The following OLR1 variants were observed in gnomAD, a reference collection of about 807,000 sequenced individuals.
OLR1 encodes the protein oxidized low-density lipoprotein receptor 1.
Under a neutral mutation model 31.7 loss-of-function variants are expected in OLR1, and 23 were observed. The ratio of observed to expected loss-of-function variants is 0.72; its 90% CI spans 0.52 to 1.03. The LOEUF (loss-of-function observed/expected upper bound fraction) is 1.03. Ranked by LOEUF, OLR1 falls within the 50% of genes least tolerant of loss-of-function variation. The pLI is 0.00. For synonymous variants in OLR1, 117 were observed against 115.8 expected (o/e 1.01, Z -0.07); for missense variants, 286 against 315.7 (o/e 0.91, Z 0.71).
At position 10,166,854 on chromosome 12, in the gene OLR1, A is replaced by G. The variant is rs746107237; in HGVS notation, c.282T>C (p.Ala94=). ...QISARQQAEE[A]SQESENELKE... ...TGAGTTCGTTTTCTGACTCCTGTGAAGCTTCTTCTGCTTGTTGCCGGGCTG... is the reference window on the plus strand; with the variant it reads ...TGAGTTCGTTTTCTGACTCCTGTGAGGCTTCTTCTGCTTGTTGCCGGGCTG... Residue 94 remains alanine (A), a synonymous_variant, in exon 3 of 6, where the codon GCT becomes GCC. Transcript: ENST00000309539. 1 of 1,613,310 alleles carries G rather than the reference A, an allele frequency of 6.2e-7. No homozygotes were observed. Among genetic ancestry groups the G allele is most frequent in the Non-Finnish European group, 8.5e-7 (1 of 1,179,938 alleles).
chr12:10,165,973 G>C (rs1450843279), intron 3 of OLR1, among the ~76,000 whole-genome samples: 2 of 152,138 alleles, frequency 1.3e-5, no homozygotes, highest in Admixed American at 1.3e-4. Context: ...CACTTTGGGA[G>C]GCTGAGGCAG....
chr12:10,166,921 G>C lies in OLR1; in HGVS notation c.215C>G (p.Ala72Gly), dbSNP rs984973463. The C allele has an allele frequency of 6.2e-7, 1 of 1,613,516 alleles. No homozygotes were observed. Among genetic ancestry groups the C allele is most frequent in the African/African-American group, 1.3e-5 (1 of 74,756 alleles). ...QVSDLLTQEQ[A>G]NLTHQKKKLE... ...TTTCTTTTTCTGGTGAGTTAGGTTT[G>C]CTTGCTCTTGTGTTAGGAGGTCAGA... is the stretch of plus-strand genomic sequence containing the variant. Residue 72 changes from alanine (A) to glycine (G), a missense_variant, in exon 3 of 6, where the codon GCA (alanine) becomes GGA (glycine). Ala to Gly is a moderately conservative substitution (Grantham distance 60). Transcript: ENST00000309539.
upstream of OLR1, among the ~76,000 whole-genome samples, chr12:10,174,456 G>A (rs376835342): frequency 6.6e-6 from 1 of 152,122 alleles, no homozygotes. Flanking sequence ...AGATTTCGCT[G>A]CATAATGTAG....
At chr12:10,171,899 C>A in intron 1 of OLR1, 103 bp downstream of exon 1, 1 of 754,566 alleles carries the variant, frequency 1.3e-6, no homozygotes. Flanking sequence ...TCTATTTTCC[C>A]ATACTTGGGT....
chr12:10,173,547 A>AC (rs562131353), upstream of OLR1, among the ~76,000 whole-genome samples: 285 of 149,338 alleles, frequency 1.9e-3, 2 homozygotes, highest in African/African-American at 6.7e-3. Context: ...TGGGAAGCTG[A>AC]GGGGGGGGGT....
chr12:10,169,032 C>A (rs1207659842), intron 2 of OLR1, 42 bp downstream of exon 2: 1 of 1,391,682 alleles, frequency 7.2e-7, no homozygotes, highest in Non-Finnish European at 1.0e-6. Context: ...ATTTCCAACA[C>A]CCCTGCCCCA....
intron 5 of OLR1, 31 bp from the exon 6 acceptor site, chr12:10,160,052 C>CA: frequency 1.3e-6 from 2 of 1,571,998 alleles, no homozygotes; most frequent in Non-Finnish European, 1.7e-6. Context: ...AACAAACCAA[C>CA]AAAAAAACTT....
intron 3 of OLR1, among the ~76,000 whole-genome samples, chr12:10,165,083 T>G (rs532881131): frequency 6.6e-6 from 1 of 152,056 alleles, no homozygotes; most frequent in African/African-American, 2.4e-5. Context: ...GCCAACTTGG[T>G]GAAACACCAT....
intron 3 of OLR1, among the ~76,000 whole-genome samples, 198 bp from the exon 4 acceptor site, chr12:10,161,123 A>T (rs11053647): frequency 0.39 from 59,154 of 151,950 alleles, 13,411 homozygotes; most frequent in Middle Eastern, 0.56. Context: ...TATAGTCGTG[A>T]GACACCGCGC....
intron 3 of OLR1, among the ~76,000 whole-genome samples, chr12:10,165,234 G>GC (rs1479802323): frequency 6.6e-6 from 1 of 150,910 alleles, no homozygotes; most frequent in Non-Finnish European, 1.5e-5. Context: ...CTGCCCTCCA[G>GC]CCTGGGGGAC....
At position 10,169,830 on chromosome 12, in the gene OLR1, T is replaced by A. The variant is rs529933870; in HGVS notation, c.77-655A>T. 2.0e-5 allele frequency among the ~76,000 whole-genome samples: 3 copies of A among 152,024 alleles called. No individual in the cohort carries two copies. In the South Asian group the frequency reaches 6.2e-4, roughly 32 times the overall value. On this transcript the variant is annotated intron_variant, in intron 1 of 5. Coordinates refer to ENST00000309539, the MANE Select transcript of OLR1 (RefSeq NM_002543.4). ...GCATATCCTACACTCACGCCAAGTG[T>A]AGGCTTGATTTTACAAGAGAAATAT...
At chr12:10,160,150 A>G in intron 5 of OLR1, 129 bp from the exon 6 acceptor site, 1 of 1,096,600 alleles carries the variant, frequency 9.1e-7, no homozygotes, top group Non-Finnish European at 1.3e-6. Flanking sequence ...GGGAAGGAAA[A>G]CTCAAGAAAA....
intron 3 of OLR1, among the ~76,000 whole-genome samples, chr12:10,166,326 G>A (rs373340207): frequency 1.3e-4 from 20 of 152,110 alleles, no homozygotes; most frequent in East Asian, 3.9e-4. Context: ...TCAGGAGTTC[G>A]CGACCAGCCT....
At chr12:10,168,274 T>C (rs1036919785) in intron 2 of OLR1, among the ~76,000 whole-genome samples, 2 of 152,052 alleles carry the variant, frequency 1.3e-5, no homozygotes, top group Non-Finnish European at 2.9e-5. Flanking sequence ...ATTATAAATG[T>C]GAAATATATT....
chr12:10,165,132 G>A (rs1565420849), intron 3 of OLR1, among the ~76,000 whole-genome samples: 2 of 152,128 alleles, frequency 1.3e-5, no homozygotes, highest in African/African-American at 4.8e-5. Context: ...GTGTGGTGGC[G>A]GGTGCCTCTA....
rs1245839683 is a variant in OLR1 at position 10,158,713 on chromosome 12, A to C, written c.*1167T>G. ...CAAATAGTACACTTTAAATATGTTC[A>C]GTTTATTTTATGTTAATTATATCTC... On this transcript the variant is annotated 3_prime_UTR_variant, in exon 6 of 6. Coordinates refer to ENST00000309539, the MANE Select transcript of OLR1 (RefSeq NM_002543.4). 1 of 152,136 alleles carries C rather than the reference A, an allele frequency of 6.6e-6. No homozygotes were observed. Among genetic ancestry groups the C allele is most frequent in the African/African-American group, 2.4e-5 (1 of 41,422 alleles). 9.4% of individuals were successfully genotyped at this position (152,136 alleles called of 1,614,324 possible). A position where few individuals can be genotyped will look rare whatever the true frequency, so the allele number is the denominator to read the frequency against.
intron 2 of OLR1, 34 bp downstream of exon 2, chr12:10,169,040 C>T: frequency 6.9e-7 from 1 of 1,451,258 alleles, no homozygotes; most frequent in African/African-American, 1.4e-5. Context: ...CACCCCTGCC[C>T]CAATAAACAT....
chr12:10,167,767 TTC>T (rs1213682532), intron 2 of OLR1: 1 of 151,904 alleles, frequency 6.6e-6, no homozygotes, highest in African/African-American at 2.4e-5. Context: ...ATTTTTTCTT[TTC>T]TTTTTTTTTT....
chr12:10,166,592 G>A, intron 3 of OLR1, 120 bp downstream of exon 3: 3 of 902,804 alleles, frequency 3.3e-6, no homozygotes, highest in Non-Finnish European at 5.3e-6. Flanking sequence ...AGAACATTAT[G>A]AATGAATAAT....
Sources: allele counts gnomAD v4.1 joint callset (sites outside exome capture counted in the v4.1 genomes callset), GRCh38; gene constraint gnomAD v4.1.1; transcripts MANE v1.5; gene names NCBI Gene and HGNC (gene_info 2026-07-23, HGNC 2026-07-21).